The following PCDH15 variants were observed in gnomAD, a reference collection of about 807,000 sequenced individuals.
PCDH15 encodes protocadherin-15.
Under a neutral mutation model 178.5 loss-of-function variants are expected in PCDH15, and 129 were observed. The ratio of observed to expected loss-of-function variants is 0.72; its 90% CI spans 0.63 to 0.84. The LOEUF (loss-of-function observed/expected upper bound fraction) is 0.84. Ranked by LOEUF, PCDH15 falls within the 40% of genes least tolerant of loss-of-function variation. The pLI is 0.00. For synonymous variants in PCDH15, 800 were observed against 732.0 expected (o/e 1.09, Z -1.50); for missense variants, 2,230 against 2,099.9 (o/e 1.06, Z -1.21).
intron 2 of PCDH15, among the ~76,000 whole-genome samples, chr10:55,047,330 C>T (rs117282960): frequency 0.041 from 6,259 of 151,760 alleles, 208 homozygotes; most frequent in South Asian, 0.095. Flanking sequence ...ATAAGTAGAA[C>T]AAAACATATC....
chr10:54,174,934 T>C (rs1410632498), intron 13 of PCDH15, among the ~76,000 whole-genome samples: 2 of 152,094 alleles, frequency 1.3e-5, no homozygotes, highest in Non-Finnish European at 2.9e-5. Context: ...CCTGTATAAG[T>C]TCAGAATTAC....
intron 26 of PCDH15, among the ~76,000 whole-genome samples, chr10:53,874,908 A>G (rs866568656): frequency 4.6e-5 from 7 of 152,106 alleles, no homozygotes; most frequent in African/African-American, 1.7e-4. Flanking sequence ...AGAAATAAAA[A>G]AAAATTAGAA....
intron 15 of PCDH15, among the ~76,000 whole-genome samples, chr10:54,129,332 CTTG>C (rs1377524746): frequency 3.9e-5 from 6 of 152,048 alleles, no homozygotes; most frequent in African/African-American, 4.8e-5. Flanking sequence ...ATTAAGATAA[CTTG>C]TTGAACACTG....
At chr10:53,935,336 G>C (rs1187190282) in intron 25 of PCDH15, among the ~76,000 whole-genome samples, 1 of 152,102 alleles carries the variant, frequency 6.6e-6, no homozygotes, top group Non-Finnish European at 1.5e-5. Flanking sequence ...CAAAATGACT[G>C]AATTGTGTTA....
At chr10:54,244,428 G>A (rs895927939) in intron 8 of PCDH15, among the ~76,000 whole-genome samples, 6 of 152,046 alleles carry the variant, frequency 3.9e-5, no homozygotes, top group African/African-American at 7.2e-5. Context: ...GTGGTAACCC[G>A]GTAATTATTT....
At chr10:54,439,762 T>C (rs865838058) in intron 3 of PCDH15, among the ~76,000 whole-genome samples, 43 of 152,088 alleles carry the variant, frequency 2.8e-4, no homozygotes, top group Admixed American at 5.9e-4. Context: ...AGATTGACTC[T>C]AGATTTTTTA....
At chr10:54,279,911 T>C (rs2058576966) in intron 8 of PCDH15, among the ~76,000 whole-genome samples, 2 of 151,746 alleles carry the variant, frequency 1.3e-5, no homozygotes, top group African/African-American at 4.8e-5. Flanking sequence ...CTTGCTATGG[T>C]GCTTTGAGAC....
chr10:55,107,917 G>T (rs1271032978), intron 2 of PCDH15, among the ~76,000 whole-genome samples: 2 of 152,040 alleles, frequency 1.3e-5, no homozygotes, highest in Non-Finnish European at 2.9e-5. Context: ...ATACTTCCCT[G>T]CCAGATTCAC....
At chr10:54,166,695 A>T (rs1257791188) in intron 13 of PCDH15, among the ~76,000 whole-genome samples, 1 of 152,212 alleles carries the variant, frequency 6.6e-6, no homozygotes, top group Non-Finnish European at 1.5e-5. Flanking sequence ...TCTGAGCCCA[A>T]GCCAAGCCAT....
At chr10:53,822,092 T>C in intron 32 of PCDH15, 2 of 1,614,066 alleles carry the variant, frequency 1.2e-6, no homozygotes. Flanking sequence ...TGCCTTTTGG[T>C]TCTCTCTGAG....
intron 2 of PCDH15, among the ~76,000 whole-genome samples, chr10:55,165,780 A>T (rs1839181717): frequency 6.6e-6 from 1 of 151,926 alleles, no homozygotes; most frequent in Non-Finnish European, 1.5e-5. Context: ...ACAGTTATAT[A>T]TTTCTTCTTT....
intron 2 of PCDH15, among the ~76,000 whole-genome samples, chr10:55,506,772 GT>G (rs1840768864): frequency 1.3e-5 from 2 of 151,396 alleles, no homozygotes; most frequent in South Asian, 2.1e-4. Flanking sequence ...CTTTGATATT[GT>G]TTTAGAGCTA....
intron 8 of PCDH15, among the ~76,000 whole-genome samples, chr10:54,280,203 C>G (rs1399924620): frequency 6.6e-6 from 1 of 151,546 alleles, no homozygotes; most frequent in Non-Finnish European, 1.5e-5. Context: ...TTTTAAGTAA[C>G]TTCGCATTTT....
At chr10:55,217,916 A>G (rs1320635812) in intron 1 of PCDH15, among the ~76,000 whole-genome samples, 2 of 152,026 alleles carry the variant, frequency 1.3e-5, no homozygotes, top group Non-Finnish European at 2.9e-5. Context: ...TTGTAAACAT[A>G]AGAATCTTAC....
intron 18 of PCDH15, among the ~76,000 whole-genome samples, chr10:54,026,576 G>C (rs1253229328): frequency 6.6e-6 from 1 of 152,144 alleles, no homozygotes; most frequent in Non-Finnish European, 1.5e-5. Flanking sequence ...ACCATGACAA[G>C]AAGTATATTT....
intron 2 of PCDH15, among the ~76,000 whole-genome samples, chr10:55,537,631 T>C (rs1841610418): frequency 6.6e-6 from 1 of 152,100 alleles, no homozygotes; most frequent in African/African-American, 2.4e-5. Context: ...AGACGGGGTT[T>C]CACCATCTTG....
chr10:54,070,503 T>G (rs1382367459), intron 17 of PCDH15, among the ~76,000 whole-genome samples: 1 of 152,156 alleles, frequency 6.6e-6, no homozygotes, highest in Admixed American at 6.6e-5. Context: ...CGCACCCAGC[T>G]TACTGTTGTA....
intron 2 of PCDH15, among the ~76,000 whole-genome samples, chr10:55,074,363 T>G (rs1841827186): frequency 6.6e-6 from 1 of 152,092 alleles, no homozygotes; most frequent in African/African-American, 2.4e-5. Context: ...TCCACAGTCT[T>G]ACCAACATCA....
At chr10:54,902,931 G>T (rs926201788) in intron 2 of PCDH15, among the ~76,000 whole-genome samples, 1 of 152,028 alleles carries the variant, frequency 6.6e-6, no homozygotes, top group East Asian at 1.9e-4. Context: ...TCATCTCCTC[G>T]GGTTACAGGT....
Sources: gnomAD v4.1 joint callset for allele counts (sites outside exome capture counted in the v4.1 genomes callset) on GRCh38, gnomAD v4.1.1 for gene constraint, MANE v1.5 for transcripts, NCBI Gene and HGNC (gene_info 2026-07-23, HGNC 2026-07-21) for gene names.